The following FGF18 variants were observed in gnomAD, a reference collection of about 807,000 sequenced individuals.
FGF18 encodes the protein fibroblast growth factor 18.
In FGF18, 5 loss-of-function variants were observed where a neutral mutation model predicts 23.0. That is an observed-to-expected ratio of 0.22 (90% confidence interval 0.11 to 0.46). FGF18 has a LOEUF of 0.46. Among genes scored for constraint, FGF18 ranks in the 20% least tolerant of loss-of-function variants. The pLI, the probability that FGF18 is intolerant of heterozygous loss-of-function variation, is 0.99. For missense variants in FGF18, 180 were observed against 291.6 expected (o/e 0.62, Z 2.79); for synonymous variants, 117 against 118.9 (o/e 0.98, Z 0.10).
At chr5:171,427,603 A>C (rs796599888) in intron 2 of FGF18, among the ~76,000 whole-genome samples, 8 of 152,326 alleles carry the variant, frequency 5.3e-5, no homozygotes, top group African/African-American at 1.4e-4. Context: ...TGTTGGTAGG[A>C]GTAATTGATG....
chr5:171,423,722 CAG>C (rs1174694106), intron 2 of FGF18, among the ~76,000 whole-genome samples: 2 of 150,876 alleles, frequency 1.3e-5, no homozygotes, highest in Admixed American at 6.6e-5. Flanking sequence ...AAGCTGGAGA[CAG>C]TGTCCTTTGG....
At chr5:171,429,362 A>C (rs1278562237) in intron 2 of FGF18, among the ~76,000 whole-genome samples, 1 of 152,252 alleles carries the variant, frequency 6.6e-6, no homozygotes, top group Non-Finnish European at 1.5e-5. Context: ...AGGAGCGGAC[A>C]TGGGCCCTGG....
chr5:171,445,716 A>T (rs976588977), intron 3 of FGF18, among the ~76,000 whole-genome samples: 1 of 151,882 alleles, frequency 6.6e-6, no homozygotes, highest in African/African-American at 2.4e-5. Flanking sequence ...GGAGAGATGG[A>T]TGGGGGTGAG....
chr5:171,430,794 CAAAA>C (rs566577499), intron 2 of FGF18, among the ~76,000 whole-genome samples: 1 of 53,824 alleles, frequency 1.9e-5, no homozygotes, highest in Admixed American at 1.9e-4. Context: ...GACTCCGTCT[CAAAA>C]AAAAAAAAAA....
At chr5:171,430,379 GTACCAACTCA>G (rs1450631963) in intron 2 of FGF18, among the ~76,000 whole-genome samples, 5 of 146,480 alleles carry the variant, frequency 3.4e-5, no homozygotes, top group Admixed American at 2.0e-4. Context: ...AAAAAAAATT[GTACCAACTCA>G]TAGGGTTTGT....
chr5:171,431,957 G>A (rs149623497), intron 2 of FGF18, among the ~76,000 whole-genome samples: 27 of 152,150 alleles, frequency 1.8e-4, no homozygotes, highest in Admixed American at 1.3e-4. Flanking sequence ...GCTGAGGCAC[G>A]AGAATCACTT....
At chr5:171,423,480 ACCAGGCATGAGGCGGG>A (rs920677275) in intron 2 of FGF18, among the ~76,000 whole-genome samples, 2 of 152,096 alleles carry the variant, frequency 1.3e-5, no homozygotes, top group Non-Finnish European at 2.9e-5. Flanking sequence ...CCCCAGACAG[ACCAGGCATGAGGCGGG>A]CCAGGCTCGG....
In FGF18 at chr5:171,423,523, C is replaced by A. The variant is rs185567612; in HGVS notation, c.69+3080C>A. Reference sequence around the variant, plus strand: ...CAGGCTCGGCGGGGTGGGGGGGCATCCCCTGGCCTCTTGTCCCTCCTGCCA... The same window carrying A: ...CAGGCTCGGCGGGGTGGGGGGGCATACCCTGGCCTCTTGTCCCTCCTGCCA... On this transcript the variant is annotated intron_variant, in intron 2 of 4. Coordinates refer to ENST00000274625, the MANE Select transcript of FGF18 (RefSeq NM_003862.3). Among the ~76,000 whole-genome samples the A allele has an allele frequency of 1.7e-3, 251 of 152,036 alleles. 1 individual carries two copies. Among genetic ancestry groups the A allele is most frequent in the Non-Finnish European group, 2.9e-3 (198 of 68,014 alleles).
chr5:171,442,480 A>G (rs1772360917), intron 3 of FGF18, among the ~76,000 whole-genome samples: 1 of 152,184 alleles, frequency 6.6e-6, no homozygotes, highest in African/African-American at 2.4e-5. Context: ...CTCTGTCAGC[A>G]CTGGGATCTT....
intron 4 of FGF18, among the ~76,000 whole-genome samples, chr5:171,453,920 C>T (rs116002835): frequency 9.3e-4 from 142 of 152,110 alleles, no homozygotes; most frequent in African/African-American, 3.2e-3. Flanking sequence ...GTCATCCCAC[C>T]GTTTCCATCC....
intron 2 of FGF18, among the ~76,000 whole-genome samples, chr5:171,427,614 ACTAG>A (rs940704290): frequency 6.6e-6 from 1 of 152,344 alleles, no homozygotes; most frequent in African/African-American, 2.4e-5. Context: ...GTAATTGATG[ACTAG>A]CTATGTAGTA....
Position 171,426,569 on chromosome 5 carries a change from G to A in FGF18, c.69+6126G>A, listed in dbSNP as rs377412069. Among the ~76,000 whole-genome samples the A allele has an allele frequency of 1.1e-3, 172 of 152,356 alleles. 3 individuals are homozygous for A. The South Asian group carries it at 0.025, about 23-fold the overall frequency. ...TTGCTAGCAGTGTGTTTGCTCTGAC[G>A]TCTCAGTGGCAAAAGGCCTCAGGCC... On this transcript the variant is annotated intron_variant, in intron 2 of 4. Transcript: ENST00000274625.
intron 2 of FGF18, among the ~76,000 whole-genome samples, chr5:171,426,736 C>G (rs2113331617): frequency 6.6e-6 from 1 of 152,328 alleles, no homozygotes; most frequent in East Asian, 1.9e-4. Context: ...GATTTACCCG[C>G]CTGGGTATCA....
intron 2 of FGF18, among the ~76,000 whole-genome samples, chr5:171,426,784 C>T (rs1453605205): frequency 1.3e-5 from 2 of 152,256 alleles, no homozygotes; most frequent in Non-Finnish European, 2.9e-5. Context: ...TGCTTGAATG[C>T]ATAGGCTTTG....
rs1772251837 is a variant in FGF18, at chr5:171,436,719, G to A, written c.250+446G>A. Among the ~76,000 whole-genome samples, 1 of 152,206 alleles carries A rather than the reference G, an allele frequency of 6.6e-6. No homozygotes were observed. ...GCGCGTGTGCATATGGGTGCTTTGA[G>A]CTTGAGCCTGTGCACCTGTGATATG... On this transcript the variant is annotated intron_variant, in intron 3 of 4. Transcript: ENST00000274625. This position sits in a 1 kb window ranked among gnomAD's most constrained non-coding sequence, Gnocchi z 4.4.
chr5:171,444,662 C>T (rs193229172), intron 3 of FGF18, among the ~76,000 whole-genome samples: 6 of 152,162 alleles, frequency 3.9e-5, no homozygotes, highest in East Asian at 1.9e-4. Flanking sequence ...ACCAGGAAGG[C>T]GCACAGTGGT....
rs1385583267 is a variant in FGF18, at chr5:171,436,476, C to CT, written c.250+204dup. 6.6e-6 allele frequency among the ~76,000 whole-genome samples: 1 copy of CT among 152,190 alleles called. No individual in the cohort carries two copies. Among genetic ancestry groups the CT allele is most frequent in the Non-Finnish European group, 1.5e-5 (1 of 68,054 alleles). ...TTGAGAGCATTGTCAGGAGTACTAA[C>CT]TGAAGATGTGAATGAAAAGTTCTTT... On this transcript the variant is annotated intron_variant, in intron 3 of 4. Transcript: ENST00000274625. The surrounding 1 kb of genome is among the most constrained non-coding windows in gnomAD (Gnocchi z 4.4).
chr5:171,423,323 C>T (rs886686447), intron 2 of FGF18, among the ~76,000 whole-genome samples: 6 of 152,220 alleles, frequency 3.9e-5, no homozygotes, highest in East Asian at 1.9e-4. Context: ...TAAAAATTTC[C>T]GTGGGGAGCA....
chr5:171,442,102 C>T (rs1581276242), intron 3 of FGF18, among the ~76,000 whole-genome samples: 1 of 152,164 alleles, frequency 6.6e-6, no homozygotes, highest in Non-Finnish European at 1.5e-5. Context: ...AGTGACCACC[C>T]ACACCTCACC....
Sources: gnomAD v4.1 joint callset for allele counts (sites outside exome capture counted in the v4.1 genomes callset) on GRCh38, gnomAD v4.1.1 for gene constraint, Gnocchi (gnomAD v3.1) non-coding constraint, MANE v1.5 for transcripts, NCBI Gene and HGNC (gene_info 2026-07-23, HGNC 2026-07-21) for gene names.